The following LRRC4C variants were observed in gnomAD, a reference collection of about 807,000 sequenced individuals.
The protein encoded by LRRC4C is leucine rich repeat containing 4C.
LRRC4C carries 5 observed loss-of-function variants against 33.6 expected under a neutral mutation model. The observed-to-expected ratio is 0.15, with a 90% confidence interval of 0.08 to 0.31. The LOEUF (loss-of-function observed/expected upper bound fraction) is 0.31. Among genes scored for constraint, LRRC4C ranks in the 10% least tolerant of loss-of-function variants. The pLI, the probability that LRRC4C is intolerant of heterozygous loss-of-function variation, is 1.00. For synonymous variants in LRRC4C, 329 were observed against 302.0 expected, an observed-to-expected ratio of 1.09 and a Z score of -0.93; for missense variants, 560 against 796.7, an observed-to-expected ratio of 0.70 and a Z score of 3.58.
At chr11:41,117,281 T>C (rs1942182595) in intron 1 of LRRC4C, among the ~76,000 whole-genome samples, 1 of 152,168 alleles carries the variant, frequency 6.6e-6, no homozygotes, top group South Asian at 2.1e-4. Context: ...TAAATTGCTC[T>C]GTTTGTAGCC....
At chr11:41,308,573 C>CTT (rs1950565194) in intron 1 of LRRC4C, among the ~76,000 whole-genome samples, 1 of 152,088 alleles carries the variant, frequency 6.6e-6, no homozygotes. Flanking sequence ...GCACAAAAAG[C>CTT]TTGGGCCAAT....
At chr11:41,442,474 T>TTTC (rs1955660368) in intron 1 of LRRC4C, among the ~76,000 whole-genome samples, 1 of 132,162 alleles carries the variant, frequency 7.6e-6, no homozygotes, top group Non-Finnish European at 1.6e-5. Context: ...TTTTTTTTTT[T>TTTC]TTTTTTTTTT....
intron 2 of LRRC4C, among the ~76,000 whole-genome samples, chr11:40,922,668 C>T (rs540539093): frequency 7.6e-4 from 116 of 152,264 alleles, no homozygotes; most frequent in Middle Eastern, 3.4e-3. Flanking sequence ...ACTTTATACT[C>T]TTCTTTGGCA....
intron 3 of LRRC4C, among the ~76,000 whole-genome samples, chr11:40,416,837 G>A (rs1282381671): frequency 6.6e-6 from 1 of 152,196 alleles, no homozygotes; most frequent in Non-Finnish European, 1.5e-5. Flanking sequence ...AATAGGGAAG[G>A]AATCTGCTTA....
chr11:40,962,671 CAT>C (rs901249792), intron 1 of LRRC4C, among the ~76,000 whole-genome samples: 1 of 151,616 alleles, frequency 6.6e-6, no homozygotes, highest in Non-Finnish European at 1.5e-5. Context: ...CTGCTGAAAA[CAT>C]ATATACAAAT....
chr11:40,413,238 G>A (rs758469021), intron 3 of LRRC4C, among the ~76,000 whole-genome samples: 1 of 152,012 alleles, frequency 6.6e-6, no homozygotes, highest in African/African-American at 2.4e-5. Context: ...CTAGCAGGAA[G>A]AAGAGGAAGC....
intron 2 of LRRC4C, among the ~76,000 whole-genome samples, chr11:40,729,456 G>A (rs986054295): frequency 6.6e-6 from 1 of 151,882 alleles, no homozygotes; most frequent in Admixed American, 6.6e-5. Context: ...TCCTTTTCTG[G>A]CCTACTAGTC....
intron 5 of LRRC4C, among the ~76,000 whole-genome samples, chr11:40,213,893 A>G (rs750254909): frequency 6.6e-6 from 1 of 152,182 alleles, no homozygotes; most frequent in Non-Finnish European, 1.5e-5. Context: ...TACAAACAAT[A>G]TGGTAGATCG....
intron 1 of LRRC4C, among the ~76,000 whole-genome samples, chr11:41,409,597 T>A (rs1171920686): frequency 2.0e-5 from 3 of 152,160 alleles, no homozygotes; most frequent in Non-Finnish European, 4.4e-5. Flanking sequence ...TGGCAACAGG[T>A]CTATCTAATT....
intron 1 of LRRC4C, among the ~76,000 whole-genome samples, chr11:41,040,856 AAG>A (rs1410715534): frequency 7.2e-5 from 11 of 152,200 alleles, no homozygotes; most frequent in Non-Finnish European, 1.6e-4. Context: ...CTAAATCTCT[AAG>A]AAGCATGAGT....
intron 1 of LRRC4C, among the ~76,000 whole-genome samples, chr11:41,432,214 C>T (rs76475372): frequency 0.053 from 8,010 of 152,232 alleles, 257 homozygotes; most frequent in East Asian, 0.13. Context: ...AGGATTCTTG[C>T]TTTACTCAGT....
intron 3 of LRRC4C, among the ~76,000 whole-genome samples, chr11:40,455,832 C>A (rs926406093): frequency 6.6e-6 from 1 of 151,960 alleles, no homozygotes; most frequent in African/African-American, 2.4e-5. Context: ...ATATTTTTTT[C>A]TCTCTCTCTG....
intron 1 of LRRC4C, among the ~76,000 whole-genome samples, chr11:41,452,509 A>C (rs557998492): frequency 5.3e-5 from 8 of 152,146 alleles, no homozygotes; most frequent in Non-Finnish European, 1.2e-4. Flanking sequence ...TGGAAGAAAG[A>C]TTGCTATTTC....
chr11:41,445,152 C>T (rs1310056229), intron 1 of LRRC4C, among the ~76,000 whole-genome samples: 2 of 152,138 alleles, frequency 1.3e-5, no homozygotes, highest in Admixed American at 6.6e-5. Flanking sequence ...GTAAACTGTA[C>T]CTCAAAACTA....
At chr11:40,738,850 C>T (rs1948012600) in intron 2 of LRRC4C, among the ~76,000 whole-genome samples, 1 of 152,034 alleles carries the variant, frequency 6.6e-6, no homozygotes, top group South Asian at 2.1e-4. Flanking sequence ...CCAATCTGCC[C>T]CACCCAGTGC....
At chr11:41,237,601 T>C (rs1948076763) in intron 1 of LRRC4C, among the ~76,000 whole-genome samples, 1 of 152,130 alleles carries the variant, frequency 6.6e-6, no homozygotes, top group Admixed American at 6.6e-5. Flanking sequence ...AACTGCCACA[T>C]GACACATGTG....
intron 3 of LRRC4C, among the ~76,000 whole-genome samples, chr11:40,330,823 G>T (rs995255669): frequency 2.6e-5 from 4 of 152,154 alleles, no homozygotes; most frequent in African/African-American, 9.7e-5. Flanking sequence ...TAAGATTTGG[G>T]TTAGGACACA....
In LRRC4C at chr11:41,143,230, C is replaced by CA. The variant is rs71061001; in HGVS notation, c.-495-209508dup. On this transcript the variant is annotated intron_variant, in intron 1 of 6. Transcript: ENST00000528697. Reference sequence around the variant, plus strand: ...AATATGATAAAAGTGAAGCAAAACTCAAAAAAAAAAAATGAATGCATGTCA... The same window carrying CA: ...AATATGATAAAAGTGAAGCAAAACTCAAAAAAAAAAAAATGAATGCATGTCA... Among the ~76,000 whole-genome samples, 823 of 145,494 alleles carry CA rather than the reference C, an allele frequency of 5.7e-3. 4 individuals are homozygous for CA. The highest frequency in any genetic ancestry group is 0.016 in the African/African-American group (630 of 40,332).
At chr11:41,240,566 A>G (rs1033337865) in intron 1 of LRRC4C, among the ~76,000 whole-genome samples, 2 of 152,206 alleles carry the variant, frequency 1.3e-5, no homozygotes, top group Non-Finnish European at 2.9e-5. Context: ...AAACATGAGT[A>G]TCTCTTCACT....
Sources: gnomAD v4.1 joint callset for allele counts (sites outside exome capture counted in the v4.1 genomes callset) on GRCh38, gnomAD v4.1.1 for gene constraint, MANE v1.5 for transcripts, NCBI Gene and HGNC (gene_info 2026-07-23, HGNC 2026-07-21) for gene names.